The following MRPS33 variants were observed in gnomAD, a reference collection of about 807,000 sequenced individuals.
MRPS33 encodes mitochondrial ribosomal protein S33.
In MRPS33, 11 loss-of-function variants were observed where a neutral mutation model predicts 11.2. The observed-to-expected ratio is 0.99, with a 90% CI of 0.62 to 1.63. The LOEUF is 1.63. Ranked by LOEUF, MRPS33 falls within the 40% of genes most tolerant of loss-of-function variation. The probability of loss-of-function intolerance (pLI) is 0.00; values close to 1 mark genes in which losing one functional copy is unlikely to be tolerated. For synonymous variants in MRPS33, 46 were observed against 44.0 expected, an observed-to-expected ratio of 1.05 and a Z score of -0.18; for missense variants, 109 against 127.8, an observed-to-expected ratio of 0.85 and a Z score of 0.71.
intron 2 of MRPS33, among the ~76,000 whole-genome samples, chr7:141,008,788 A>G (rs1271190879): frequency 5.0e-5 from 7 of 141,036 alleles, no homozygotes; most frequent in African/African-American, 1.8e-4. Flanking sequence ...TTAGTTTGGT[A>G]ATTAAAAAAA....
At chr7:141,013,295 T>C (rs1452197860) in intron 1 of MRPS33, among the ~76,000 whole-genome samples, 1 of 152,224 alleles carries the variant, frequency 6.6e-6, no homozygotes, top group African/African-American at 2.4e-5. Context: ...CATTTTGGAA[T>C]GTGGCAAATT....
In MRPS33 at chr7:141,010,459, C is replaced by A; in HGVS notation, c.175G>T (p.Ala59Ser). The change falls in exon 2 of 3, where the codon GCT becomes TCT. Residue 59 changes from alanine to serine, a missense_variant. By Grantham distance (99) the Ala-to-Ser change is moderately conservative. Coordinates refer to ENST00000324787, the MANE Select transcript of MRPS33 (RefSeq NM_053035.3). ...YDWYPNHHTY[A>S]ELMQTLRFLG... ...AATCGGAGCGTCTGCATGAGTTCAG[C>A]GTAAGTGTGGTGATTTGGATACCAA... The A allele has an allele frequency of 6.2e-7, 1 of 1,614,124 alleles. No individual in the cohort carries two copies. Among genetic ancestry groups the A allele is most frequent in the Non-Finnish European group, 8.5e-7 (1 of 1,180,030 alleles).
At chr7:141,008,270 C>G (rs1218263695) in intron 2 of MRPS33, among the ~76,000 whole-genome samples, 2 of 152,150 alleles carry the variant, frequency 1.3e-5, no homozygotes, top group African/African-American at 4.8e-5. Context: ...AACAAACAGA[C>G]AGCAGCAGCA....
intron 2 of MRPS33, among the ~76,000 whole-genome samples, chr7:141,007,671 C>CT (rs1309950922): frequency 2.6e-5 from 4 of 152,194 alleles, no homozygotes; most frequent in Admixed American, 2.0e-4. Flanking sequence ...AAGGCCTTTG[C>CT]TGTGCTCTTG....
At chr7:141,013,401 G>A (rs1820726760) in intron 1 of MRPS33, among the ~76,000 whole-genome samples, 1 of 152,212 alleles carries the variant, frequency 6.6e-6, no homozygotes, top group African/African-American at 2.4e-5. Flanking sequence ...TTATGACAGA[G>A]AAAGGGAATA....
intron 2 of MRPS33, among the ~76,000 whole-genome samples, chr7:141,006,771 C>G (rs1473005017): frequency 6.6e-6 from 1 of 152,194 alleles, no homozygotes; most frequent in Non-Finnish European, 1.5e-5. Context: ...CTGCCACAAG[C>G]TGCAGGGAAA....
At chr7:141,012,920 G>A (rs1820712540) in intron 1 of MRPS33, among the ~76,000 whole-genome samples, 1 of 152,170 alleles carries the variant, frequency 6.6e-6, no homozygotes, top group Non-Finnish European at 1.5e-5. Flanking sequence ...AAGCTTGCAT[G>A]ACTAGTGCGA....
chr7:141,010,256 A>T, intron 2 of MRPS33, 163 bp downstream of exon 2: 1 of 630,642 alleles, frequency 1.6e-6, no homozygotes. Context: ...TCTCTCCATT[A>T]TGGGTATTTT....
intron 2 of MRPS33, among the ~76,000 whole-genome samples, chr7:141,009,178 C>G (rs1423853964): frequency 6.6e-6 from 1 of 151,050 alleles, no homozygotes; most frequent in East Asian, 1.9e-4. Flanking sequence ...GTCACCCAGG[C>G]TGGAGTACAG....
rs923777488 is a variant in MRPS33 at position 141,004,384 on chromosome 7, T to C, written c.*2046A>G. 5.9e-5 allele frequency: 9 copies of C among 152,252 alleles called. No homozygotes were observed. Among genetic ancestry groups the C allele is most frequent in the Admixed American group, 5.9e-4 (9 of 15,286 alleles). 9.4% of individuals were successfully genotyped at this position (152,252 alleles called of 1,614,324 possible). A position where few individuals can be genotyped will look rare whatever the true frequency, so the allele number is the denominator to read the frequency against. ...CAAACCACCCAATTTTATTTTATTT[T>C]ATTTTTTTAAACAGGCTATAAAATA... is the stretch of plus-strand genomic sequence containing the variant. On this transcript the variant is annotated 3_prime_UTR_variant, in exon 3 of 3. Coordinates refer to ENST00000324787, the MANE Select transcript of MRPS33 (RefSeq NM_053035.3).
At chr7:141,006,862 C>T (rs113749320) in intron 2 of MRPS33, among the ~76,000 whole-genome samples, 1,593 of 152,260 alleles carry the variant, frequency 0.01, 11 homozygotes, top group Middle Eastern at 0.017. Context: ...AACACTAAGA[C>T]TAAACAGAGA....
At position 141,010,554 on chromosome 7, in the gene MRPS33, TTAG is replaced by T; in HGVS notation, c.77_79del (p.Thr26del). 1 of 1,614,158 alleles carries T rather than the reference TTAG, an allele frequency of 6.2e-7. No homozygotes were observed. The highest frequency in any genetic ancestry group is 8.5e-7 in the Non-Finnish European group (1 of 1,180,022). On this transcript the variant is annotated inframe_deletion, in exon 2 of 3. Coordinates refer to ENST00000324787, the MANE Select transcript of MRPS33 (RefSeq NM_053035.3). ...TTTCACCACTTTCATAGACTTGGAATTAGTAGGCCTGGTGACTTCACCAAATAG... is the reference window on the plus strand; with the variant it reads ...TTTCACCACTTTCATAGACTTGGAATTAGGCCTGGTGACTTCACCAAATAG...
chr7:141,013,575 A>G (rs1329449120), intron 1 of MRPS33, among the ~76,000 whole-genome samples: 1 of 152,230 alleles, frequency 6.6e-6, no homozygotes, highest in African/African-American at 2.4e-5. Context: ...AGCTTTTCTT[A>G]CAACGTGCAT....
At chr7:141,006,868 AG>A (rs754116979) in intron 2 of MRPS33, among the ~76,000 whole-genome samples, 3 of 152,196 alleles carry the variant, frequency 2.0e-5, no homozygotes, top group Non-Finnish European at 2.9e-5. Flanking sequence ...AAGACTAAAC[AG>A]AGAGGAGACA....
chr7:141,014,103 T>C (rs1389110543), intron 1 of MRPS33, among the ~76,000 whole-genome samples: 2 of 152,212 alleles, frequency 1.3e-5, no homozygotes, highest in Admixed American at 6.5e-5. Flanking sequence ...GAATCTCGCC[T>C]CTGCCTTTTA....
chr7:141,007,760 C>A (rs914024127), intron 2 of MRPS33, among the ~76,000 whole-genome samples: 1 of 152,166 alleles, frequency 6.6e-6, no homozygotes, highest in Non-Finnish European at 1.5e-5. Context: ...AACCTCAACT[C>A]CTCAACGAGG....
In MRPS33 at chr7:141,010,484, A is replaced by G; in HGVS notation, c.150T>C (p.Asp50=). The G allele has an allele frequency of 1.2e-6, 2 of 1,614,216 alleles. No homozygotes were observed. Among genetic ancestry groups the G allele is most frequent in the Non-Finnish European group, 8.5e-7 (1 of 1,180,042 alleles). ...LPLAKKKETY[D]WYPNHHTYAE... Reference sequence around the variant, plus strand: ...CGTAAGTGTGGTGATTTGGATACCAATCATAAGTCTCCTTCTTCTTGGCCA... The same window carrying G: ...CGTAAGTGTGGTGATTTGGATACCAGTCATAAGTCTCCTTCTTCTTGGCCA... Residue 50 remains aspartate, a synonymous_variant, in exon 2 of 3, where the codon GAT becomes GAC. Transcript: ENST00000324787.
chr7:141,006,216 C>T lies in MRPS33; in HGVS notation c.*214G>A. The T allele has an allele frequency of 1.8e-6, 1 of 563,708 alleles. No homozygotes were observed. Among genetic ancestry groups the T allele is most frequent in the South Asian group, 2.3e-5 (1 of 44,158 alleles). The allele number at this position is 563,708 out of a possible 1,614,324, so 34.9% of individuals were successfully genotyped here. On this transcript the variant is annotated 3_prime_UTR_variant, in exon 3 of 3. Coordinates refer to ENST00000324787, the MANE Select transcript of MRPS33 (RefSeq NM_053035.3). ...AGAGAATCAGGTAAACCTCACATTA[C>T]ACGGCCAAGGCCAAGATAATTTTGC... is the stretch of plus-strand genomic sequence containing the variant.
In MRPS33 at chr7:141,004,370, AT is replaced by A. The variant is rs1820473747; in HGVS notation, c.*2059del. On this transcript the variant is annotated 3_prime_UTR_variant, in exon 3 of 3. Transcript: ENST00000324787. ...ACTTCTACCACATACAAACCACCCAATTTTATTTTATTTTATTTTTTTAAAC... is the reference window on the plus strand; with the variant it reads ...ACTTCTACCACATACAAACCACCCAATTTATTTTATTTTATTTTTTTAAAC... 6.6e-6 allele frequency: 1 copy of A among 151,060 alleles called. No individual in the cohort carries two copies. The highest frequency in any genetic ancestry group is 2.4e-5 in the African/African-American group (1 of 41,164). 9.4% of individuals were successfully genotyped at this position (151,060 alleles called of 1,614,324 possible). A position where few individuals can be genotyped will look rare whatever the true frequency, so the allele number is the denominator to read the frequency against.
Sources: allele counts gnomAD v4.1 joint callset (sites outside exome capture counted in the v4.1 genomes callset), GRCh38; gene constraint gnomAD v4.1.1; transcripts MANE v1.5; gene names NCBI Gene and HGNC (gene_info 2026-07-23, HGNC 2026-07-21).